The following ARG2 variants were observed in gnomAD, a reference collection of about 807,000 sequenced individuals.
ARG2 encodes arginase 2.
Under a neutral mutation model 39.4 loss-of-function variants are expected in ARG2, and 21 were observed. That is an observed-to-expected ratio of 0.53 (90% confidence interval 0.38 to 0.77). The LOEUF is 0.77. Ranked by LOEUF, ARG2 falls within the 30% of genes least tolerant of loss-of-function variation. ARG2 has a pLI of 0.00. For synonymous variants in ARG2, 150 were observed against 156.7 expected, an observed-to-expected ratio of 0.96 and a Z score of 0.32; for missense variants, 378 against 426.2, an observed-to-expected ratio of 0.89 and a Z score of 1.00.
intron 2 of ARG2, among the ~76,000 whole-genome samples, chr14:67,631,077 C>G (rs1057052816): frequency 6.6e-6 from 1 of 152,160 alleles, no homozygotes; most frequent in Non-Finnish European, 1.5e-5. Flanking sequence ...TGTCATGGCT[C>G]TTCTCTCCTA....
At chr14:67,647,940 G>T in intron 6 of ARG2, 107 bp from the exon 7 acceptor site, 1 of 1,097,232 alleles carries the variant, frequency 9.1e-7, no homozygotes, top group Non-Finnish European at 1.3e-6. Flanking sequence ...AAAGTACTAG[G>T]ACTAATAGCA....
chr14:67,648,828 CCTTT>C (rs2037135046), intron 7 of ARG2: 1 of 152,178 alleles, frequency 6.6e-6, no homozygotes, highest in African/African-American at 2.4e-5. Context: ...CTTCAAATGA[CCTTT>C]CATTCCAAAA....
chr14:67,650,945 C>T lies in ARG2; in HGVS notation c.*25C>T, dbSNP rs746326646. 6.2e-7 allele frequency: 1 copy of T among 1,603,894 alleles called. No homozygotes were observed. The highest frequency in any genetic ancestry group is 8.5e-7 in the Non-Finnish European group (1 of 1,172,158). On this transcript the variant is annotated 3_prime_UTR_variant, in exon 8 of 8. Transcript: ENST00000261783. ...GGAGACACTGTGCACTGACATGTTT[C>T]ACAACAGGCATTCCAGAATTATGAG...
At position 67,650,965 on chromosome 14, in the gene ARG2, T is replaced by C; in HGVS notation, c.*45T>C. The C allele has an allele frequency of 6.4e-7, 1 of 1,573,210 alleles. No individual in the cohort carries two copies. Among genetic ancestry groups the C allele is most frequent in the African/African-American group, 1.3e-5 (1 of 74,236 alleles). On this transcript the variant is annotated 3_prime_UTR_variant, in exon 8 of 8. Coordinates refer to ENST00000261783, the MANE Select transcript of ARG2 (RefSeq NM_001172.4). ...TGTTTCACAACAGGCATTCCAGAATTATGAGGCATTGAGGGGATAGATGAA... is the reference window on the plus strand; with the variant it reads ...TGTTTCACAACAGGCATTCCAGAATCATGAGGCATTGAGGGGATAGATGAA...
In ARG2 at chr14:67,642,210, AT is replaced by A. The variant is rs953659035; in HGVS notation, c.212del (p.Leu71Ter). The A allele has an allele frequency of 4.3e-6, 7 of 1,613,820 alleles. No homozygotes were observed. The African/African-American group carries it at 5.3e-5, about 12-fold the overall frequency. ...SLGCHLKDFG[D>X]LSFTPVPKDD... ...GGCTGCCACCTAAAAGACTTTGGAG[AT>A]TTGAGTTTTACTCCAGTCCCCAAAG... On this transcript the variant is annotated frameshift_variant, in exon 3 of 8. Transcript: ENST00000261783. LOFTEE classifies it high-confidence loss of function.
intron 3 of ARG2, among the ~76,000 whole-genome samples, chr14:67,643,852 T>G (rs1439183617): frequency 1.2e-5 from 1 of 81,174 alleles, no homozygotes; most frequent in African/African-American, 4.6e-5. Context: ...TCCTTGGGAG[T>G]AAAAAAAAAA....
intron 2 of ARG2, among the ~76,000 whole-genome samples, chr14:67,628,025 C>T (rs1283411309): frequency 6.6e-6 from 1 of 152,114 alleles, no homozygotes; most frequent in Non-Finnish European, 1.5e-5. Context: ...AAGACCAAAC[C>T]TGCTTTGGAC....
chr14:67,643,994 T>C (rs2037065733), intron 3 of ARG2, among the ~76,000 whole-genome samples: 1 of 151,766 alleles, frequency 6.6e-6, no homozygotes, highest in South Asian at 2.1e-4. Flanking sequence ...GTGTAGTCTC[T>C]GGAAATTTAT....
intron 2 of ARG2, among the ~76,000 whole-genome samples, chr14:67,637,410 CAAAAAAAAAAAA>C (rs34746542): frequency 0.16 from 16,632 of 104,086 alleles, 1,129 homozygotes; most frequent in East Asian, 0.24. Context: ...GACTCTGTCT[CAAAAAAAAAAAA>C]AAAAAAAAAA....
chr14:67,647,229 C>G (rs1375492870), intron 6 of ARG2: 1 of 470,448 alleles, frequency 2.1e-6, no homozygotes, highest in South Asian at 4.0e-5. Context: ...AAATCATTGC[C>G]TAGATCTTCT....
At chr14:67,647,975 A>G in intron 6 of ARG2, 72 bp from the exon 7 acceptor site, 1 of 1,424,854 alleles carries the variant, frequency 7.0e-7, no homozygotes, top group Middle Eastern at 1.8e-4. Flanking sequence ...TTGCAACCAT[A>G]AGAAGGATGA....
chr14:67,642,048 T>A, intron 2 of ARG2, 138 bp from the exon 3 acceptor site: 1 of 853,326 alleles, frequency 1.2e-6, no homozygotes, highest in Non-Finnish European at 1.8e-6. Context: ...CTTCCCACAA[T>A]CATTTGACAT....
chr14:67,645,214 A>G (rs1008796835), intron 3 of ARG2, among the ~76,000 whole-genome samples: 12 of 149,034 alleles, frequency 8.1e-5, no homozygotes, highest in Admixed American at 2.0e-4. Flanking sequence ...GGGTGTGACT[A>G]TTTTGCCCAG....
chr14:67,648,229 A>AT lies in ARG2; in HGVS notation c.859+47dup, dbSNP rs771219537. Reference sequence around the variant, plus strand: ...CAGCCTGTTAACTACATAGGTAAATATGCTAGAGTCTCTTGCCTGCAAAGG... The same window carrying AT: ...CAGCCTGTTAACTACATAGGTAAATATTGCTAGAGTCTCTTGCCTGCAAAGG... On this transcript the variant is annotated intron_variant, in intron 7 of 7. Coordinates refer to ENST00000261783, the MANE Select transcript of ARG2 (RefSeq NM_001172.4). 9 of 1,572,434 alleles carry AT rather than the reference A, an allele frequency of 5.7e-6. No homozygotes were observed. The East Asian group carries it at 1.1e-4, about 20-fold the overall frequency.
chr14:67,641,638 T>C (rs2037031961), intron 2 of ARG2, among the ~76,000 whole-genome samples: 1 of 152,274 alleles, frequency 6.6e-6, no homozygotes, highest in East Asian at 1.9e-4. Flanking sequence ...TTTATAAAAG[T>C]TTATAATATG....
rs866779708 is a variant in ARG2, at chr14:67,650,927, C to A, written c.*7C>A. On this transcript the variant is annotated 3_prime_UTR_variant, in exon 8 of 8. Transcript: ENST00000261783. ...AGCACGTGTGAGAATTTAGGAGACA[C>A]TGTGCACTGACATGTTTCACAACAG... The A allele has an allele frequency of 1.2e-6, 2 of 1,612,906 alleles. No individual in the cohort carries two copies. Among genetic ancestry groups the A allele is most frequent in the Non-Finnish European group, 1.7e-6 (2 of 1,179,278 alleles).
rs2037125074 is a variant in ARG2, at chr14:67,648,140, C to T, written c.816C>T (p.Thr272=). 6.2e-7 allele frequency: 1 copy of T among 1,614,042 alleles called. No individual in the cohort carries two copies. Among genetic ancestry groups the T allele is most frequent in the East Asian group, 2.2e-5 (1 of 44,876 alleles). The change falls in exon 7 of 8, where the codon ACC becomes ACT. Residue 272 remains threonine (T), a synonymous_variant. Coordinates refer to ENST00000261783, the MANE Select transcript of ARG2 (RefSeq NM_001172.4). The part of the protein sequence containing the change: ...ATGTPVVGGL[T]YREGMYIAEE... Reference sequence around the variant, plus strand: ...GAACTCCTGTTGTCGGGGGACTAACCTATCGAGAAGGCATGTATATTGCTG... The same window carrying T: ...GAACTCCTGTTGTCGGGGGACTAACTTATCGAGAAGGCATGTATATTGCTG...
chr14:67,650,473 C>G (rs1450670208), intron 7 of ARG2: 5 of 520,504 alleles, frequency 9.6e-6, no homozygotes, highest in African/African-American at 1.9e-5. Context: ...GTTAGTTGAA[C>G]AGGGATGGTT....
At chr14:67,644,064 A>G (rs2140772664) in intron 3 of ARG2, among the ~76,000 whole-genome samples, 1 of 152,266 alleles carries the variant, frequency 6.6e-6, no homozygotes. Context: ...CCACTGATCA[A>G]TGTGATTACC....
Sources: allele counts gnomAD v4.1 joint callset (sites outside exome capture counted in the v4.1 genomes callset), GRCh38; gene constraint gnomAD v4.1.1; transcripts MANE v1.5; gene names NCBI Gene and HGNC (gene_info 2026-07-23, HGNC 2026-07-21).